The following UGGT2 variants were observed in gnomAD, a reference collection of about 807,000 sequenced individuals.
The protein encoded by UGGT2 is UDP-glucose:glycoprotein glucosyltransferase 2.
Under a neutral mutation model 192.1 loss-of-function variants are expected in UGGT2, and 180 were observed. That is an observed-to-expected ratio of 0.94 (90% CI 0.83 to 1.06). The LOEUF (loss-of-function observed/expected upper bound fraction) is 1.06. Ranked by LOEUF, UGGT2 falls within the 50% of genes least tolerant of loss-of-function variation. The pLI, the probability that UGGT2 is intolerant of heterozygous loss-of-function variation, is 0.00. For missense variants in UGGT2, 1,849 were observed against 1,795.7 expected (o/e 1.03, Z -0.54); for synonymous variants, 580 against 591.0 (o/e 0.98, Z 0.27).
intron 20 of UGGT2, among the ~76,000 whole-genome samples, chr13:95,911,352 A>G (rs2048490812): frequency 6.6e-6 from 1 of 152,198 alleles, no homozygotes; most frequent in Non-Finnish European, 1.5e-5. Context: ...ACTAATAAAG[A>G]AGAAAAGAAA....
At chr13:96,038,953 C>A (rs543262447) in intron 1 of UGGT2, among the ~76,000 whole-genome samples, 1 of 152,106 alleles carries the variant, frequency 6.6e-6, no homozygotes, top group Non-Finnish European at 1.5e-5. Flanking sequence ...CCCCTGTCCA[C>A]CTGTGAAACT....
At chr13:95,906,216 C>G (rs2048286427) in intron 20 of UGGT2, among the ~76,000 whole-genome samples, 1 of 152,070 alleles carries the variant, frequency 6.6e-6, no homozygotes, top group African/African-American at 2.4e-5. Context: ...ATTTTTCATA[C>G]TATTGTAAAC....
chr13:95,976,476 A>AT (rs998299683), intron 10 of UGGT2, among the ~76,000 whole-genome samples: 45 of 151,698 alleles, frequency 3.0e-4, no homozygotes, highest in Non-Finnish European at 4.7e-4. Flanking sequence ...TCTATTTTTC[A>AT]TTTTTTTTGT....
At position 95,945,563 on chromosome 13, in the gene UGGT2, CACTT is replaced by C. The variant is rs922996164; in HGVS notation, c.1677+1470_1677+1473del. On this transcript the variant is annotated intron_variant, in intron 15 of 38. Coordinates refer to ENST00000376747, the MANE Select transcript of UGGT2 (RefSeq NM_020121.4). ...ATGTAAATTAATGTCTGATAAAAAA[CACTT>C]ACAAAACAGAGATTCAATATTGATA... Among the ~76,000 whole-genome samples, 6 of 152,132 alleles carry C rather than the reference CACTT, an allele frequency of 3.9e-5. No individual in the cohort carries two copies. The East Asian group carries it at 9.6e-4, about 24-fold the overall frequency.
chr13:95,828,291 G>T (rs77762211), intron 38 of UGGT2, among the ~76,000 whole-genome samples: 12 of 152,196 alleles, frequency 7.9e-5, no homozygotes, highest in Admixed American at 3.3e-4. Flanking sequence ...GCATCCAAAA[G>T]CTAGCAAAAG....
At chr13:95,852,063 C>T (rs1488195860) in intron 36 of UGGT2, among the ~76,000 whole-genome samples, 1 of 151,998 alleles carries the variant, frequency 6.6e-6, no homozygotes, top group African/African-American at 2.4e-5. Flanking sequence ...ATTTGAAGAT[C>T]TCCCAATTTT....
At chr13:95,856,692 C>T in intron 33 of UGGT2, 4 of 418,156 alleles carry the variant, frequency 9.6e-6, no homozygotes, top group South Asian at 3.6e-5. Flanking sequence ...GGAACACCTA[C>T]ATATCAAATA....
chr13:95,849,708 GGTACAT>G (rs1278997609), intron 36 of UGGT2, among the ~76,000 whole-genome samples: 1 of 151,428 alleles, frequency 6.6e-6, no homozygotes, highest in African/African-American at 2.4e-5. Flanking sequence ...TTGGTTCAGG[GGTACAT>G]GTACAAGTTT....
chr13:95,880,479 G>C lies in UGGT2; in HGVS notation c.3229-2623C>G, dbSNP rs566392607. On this transcript the variant is annotated intron_variant, in intron 27 of 38. Coordinates refer to ENST00000376747, the MANE Select transcript of UGGT2 (RefSeq NM_020121.4). ...ATCTGAACTTTAAGAAACTATTCAG[G>C]ACTCTGGGCAAAAATCCAAGAAAAA... 2.0e-5 allele frequency among the ~76,000 whole-genome samples: 3 copies of C among 152,274 alleles called. No homozygotes were observed. The East Asian group carries it at 5.8e-4, about 29-fold the overall frequency.
At chr13:95,817,127 C>CA (rs1031170410) in intron 38 of UGGT2, among the ~76,000 whole-genome samples, 20 of 151,240 alleles carry the variant, frequency 1.3e-4, no homozygotes, top group Non-Finnish European at 1.8e-4. Context: ...GACTTTGTCT[C>CA]AAAAAAAAGT....
At chr13:95,867,882 T>C (rs1380569778) in intron 29 of UGGT2, among the ~76,000 whole-genome samples, 1 of 152,224 alleles carries the variant, frequency 6.6e-6, no homozygotes, top group Non-Finnish European at 1.5e-5. Context: ...AAGTACATTG[T>C]TAAAATAATG....
chr13:95,804,987 G>T (rs1435363482), intron 38 of UGGT2, among the ~76,000 whole-genome samples: 1 of 151,882 alleles, frequency 6.6e-6, no homozygotes, highest in Admixed American at 6.6e-5. Context: ...ACCATCAACA[G>T]AATGGAAAGG....
Position 96,023,643 on chromosome 13 carries a change from G to C in UGGT2, c.358C>G (p.Gln120Glu). Residue 120 changes from glutamine to glutamate, a missense_variant, in exon 3 of 39, where the codon CAG (glutamine) becomes GAG (glutamate). Coordinates refer to ENST00000376747, the MANE Select transcript of UGGT2 (RefSeq NM_020121.4). The part of the protein sequence containing the change: ...FSIRAYSPAI[Q>E]MFQQIAADEP... Reference sequence around the variant, plus strand: ...TTTTTACGCACCTGCTGAAACATCTGAATAGCTGGGGAGTATGCCCTTATA... The same window carrying C: ...TTTTTACGCACCTGCTGAAACATCTCAATAGCTGGGGAGTATGCCCTTATA... The C allele has an allele frequency of 6.2e-7, 1 of 1,607,918 alleles. No homozygotes were observed. The highest frequency in any genetic ancestry group is 8.5e-7 in the Non-Finnish European group (1 of 1,176,436).
At chr13:95,830,829 A>G (rs1354805729) in intron 38 of UGGT2, among the ~76,000 whole-genome samples, 8 of 152,174 alleles carry the variant, frequency 5.3e-5, no homozygotes, top group South Asian at 4.1e-4. Context: ...ACATGCACAC[A>G]TATGTTTATT....
intron 6 of UGGT2, among the ~76,000 whole-genome samples, chr13:95,997,504 A>G (rs1365434385): frequency 6.6e-6 from 1 of 152,054 alleles, no homozygotes; most frequent in Non-Finnish European, 1.5e-5. Flanking sequence ...TTAGCCAGGT[A>G]TGGTGGCAGG....
Position 95,947,185 on chromosome 13 carries a change from G to T in UGGT2, c.1542-13C>A. The T allele has an allele frequency of 1.3e-6, 2 of 1,581,796 alleles. No homozygotes were observed. Among genetic ancestry groups the T allele is most frequent in the South Asian group, 2.3e-5 (2 of 85,272 alleles). On this transcript the variant is annotated splice_polypyrimidine_tract_variant and intron_variant, in intron 14 of 38. Coordinates refer to ENST00000376747, the MANE Select transcript of UGGT2 (RefSeq NM_020121.4). ...CACAAAACCAATTCTGGAAAAAGAA[G>T]ATGAACAAGGACTGTTATAATTACC...
At chr13:96,047,452 A>G (rs1466774211) in intron 1 of UGGT2, among the ~76,000 whole-genome samples, 2 of 152,228 alleles carry the variant, frequency 1.3e-5, no homozygotes, top group Admixed American at 1.3e-4. Context: ...GGACATCCAC[A>G]CCAAAATCCC....
chr13:95,881,141 A>C lies in UGGT2; in HGVS notation c.3229-3285T>G, dbSNP rs76454001. 7.5e-4 allele frequency among the ~76,000 whole-genome samples: 114 copies of C among 152,152 alleles called. 1 individual carries two copies. The highest frequency in any genetic ancestry group is 1.5e-3 in the Non-Finnish European group (103 of 68,028). Reference sequence around the variant, plus strand: ...GTGAGCCAGAGCTGGCAATGAGCCGAGATCACGCCACTGCACTCCAGTCTG... The same window carrying C: ...GTGAGCCAGAGCTGGCAATGAGCCGCGATCACGCCACTGCACTCCAGTCTG... On this transcript the variant is annotated intron_variant, in intron 27 of 38. Transcript: ENST00000376747.
chr13:96,053,182 G>A lies in UGGT2; in HGVS notation c.131C>T (p.Pro44Leu). The A allele has an allele frequency of 6.6e-7, 1 of 1,521,042 alleles. No individual in the cohort carries two copies. Among genetic ancestry groups the A allele is most frequent in the Non-Finnish European group, 8.8e-7 (1 of 1,140,586 alleles). 94.2% of individuals were successfully genotyped at this position (1,521,042 alleles called of 1,614,324 possible). Reference sequence around the variant, plus strand: ...TGCCTCCAGCAGCAGCGGGGTCTCGGGCCACTTCGCGGCCAAGTGGGCAGT... The same window carrying A: ...TGCCTCCAGCAGCAGCGGGGTCTCGAGCCACTTCGCGGCCAAGTGGGCAGT... ...SVTAHLAAKW[P>L]ETPLLLEASE... Residue 44 changes from proline to leucine, a missense_variant, in exon 1 of 39, where the codon CCC becomes CTC. Coordinates refer to ENST00000376747, the MANE Select transcript of UGGT2 (RefSeq NM_020121.4).
Sources: gnomAD v4.1 joint callset for allele counts (sites outside exome capture counted in the v4.1 genomes callset) on GRCh38, gnomAD v4.1.1 for gene constraint, MANE v1.5 for transcripts, NCBI Gene and HGNC (gene_info 2026-07-23, HGNC 2026-07-21) for gene names.